Variants in CR1 observed in about 807,000 individuals in gnomAD.
CR1 encodes the protein complement receptor type 1.
Under a neutral mutation model 187.3 loss-of-function variants are expected in CR1, and 116 were observed. The ratio of observed to expected loss-of-function variants is 0.62; its 90% confidence interval spans 0.53 to 0.72. CR1 has a LOEUF of 0.72. Among genes scored for constraint, CR1 ranks in the 30% least tolerant of loss-of-function variants. The probability of loss-of-function intolerance (pLI) is 0.00; values close to 1 mark genes in which losing one functional copy is unlikely to be tolerated. For synonymous variants in CR1, 576 were observed against 747.1 expected, an observed-to-expected ratio of 0.77 and a Z score of 3.73; for missense variants, 1,731 against 2,110.7, an observed-to-expected ratio of 0.82 and a Z score of 3.52.
Position 207,573,905 on chromosome 1 carries a change from GA to G in CR1, c.4452-1689del, listed in dbSNP as rs1255557098. Among the ~76,000 whole-genome samples the G allele has an allele frequency of 2.6e-5, 4 of 152,294 alleles. No individual in the cohort carries two copies. In the East Asian group the frequency reaches 7.7e-4, roughly 29 times the overall value. ...CCAACACACTGAGAGGCTGAGGCAA[GA>G]GTATCACTTGAGCCCAGGAGCTCAA... is the stretch of plus-strand genomic sequence containing the variant. On this transcript the variant is annotated intron_variant, in intron 27 of 46. Coordinates refer to ENST00000367049, the MANE Select transcript of CR1 (RefSeq NM_000651.6).
intron 27 of CR1, among the ~76,000 whole-genome samples, chr1:207,573,908 T>C (rs1231931947): frequency 6.6e-6 from 1 of 151,866 alleles, no homozygotes; most frequent in Non-Finnish European, 1.5e-5. Flanking sequence ...GAGGCAAGAG[T>C]ATCACTTGAG....
chr1:207,582,908 C>A (rs1661001052), intron 32 of CR1, among the ~76,000 whole-genome samples: 1 of 152,166 alleles, frequency 6.6e-6, no homozygotes, highest in Non-Finnish European at 1.5e-5. Context: ...TGGGGGAAAT[C>A]AAAAGTTAAG....
chr1:207,499,267 G>A (rs4844598), intron 1 of CR1, among the ~76,000 whole-genome samples: 105,097 of 152,062 alleles, frequency 0.69, 37,670 homozygotes, highest in East Asian at 0.96. Context: ...ATAAAGAGGG[G>A]CATCATATAA....
intron 4 of CR1, among the ~76,000 whole-genome samples, chr1:207,513,358 A>C (rs1490713044): frequency 1.3e-5 from 2 of 152,208 alleles, no homozygotes; most frequent in Admixed American, 1.3e-4. Context: ...TTCAATGGCA[A>C]CAGTTCCCAT....
chr1:207,519,451 T>TA (rs1399923412), intron 4 of CR1, among the ~76,000 whole-genome samples: 1 of 152,162 alleles, frequency 6.6e-6, no homozygotes, highest in African/African-American at 2.4e-5. Flanking sequence ...CAGTAGCTTT[T>TA]AAGTTATATT....
At chr1:207,524,150 C>G (rs1571520513) in intron 5 of CR1, 141 bp downstream of exon 5, 1 of 1,550,196 alleles carries the variant, frequency 6.5e-7, no homozygotes. Flanking sequence ...ACATGAAATT[C>G]AGAAGGTGTG....
chr1:207,525,029 A>C (rs1660124222), intron 5 of CR1, among the ~76,000 whole-genome samples: 1 of 152,060 alleles, frequency 6.6e-6, no homozygotes, highest in African/African-American at 2.4e-5. Flanking sequence ...GGTAAAGAGG[A>C]AGCACGCATA....
Position 207,584,799 on chromosome 1 carries a change from T to C in CR1, c.5453T>C (p.Ile1818Thr), listed in dbSNP as rs1459694440. 1 of 1,613,778 alleles carries C rather than the reference T, an allele frequency of 6.2e-7. No homozygotes were observed. The highest frequency in any genetic ancestry group is 1.3e-5 in the African/African-American group (1 of 74,886). The change falls in exon 33 of 47, where the codon ATC (isoleucine) becomes ACC (threonine). Residue 1818 changes from isoleucine to threonine, a missense_variant. Coordinates refer to ENST00000367049, the MANE Select transcript of CR1 (RefSeq NM_000651.6). Reference protein sequence around the residue: ...MTFNLIGESTIRCTSDPHGNG... With the variant: ...MTFNLIGESTTRCTSDPHGNG... ...TTCAACCTCATTGGGGAGAGCACCA[T>C]CCGCTGCACAAGTGACCCTCATGGG... is the stretch of plus-strand genomic sequence containing the variant.
At chr1:207,556,293 C>CT (rs1300155937) in intron 19 of CR1, among the ~76,000 whole-genome samples, 1 of 86 alleles carries the variant, frequency 0.012, no homozygotes, top group African/African-American at 0.026. Context: ...CCTTTTCTCT[C>CT]TTTTTTTAAG....
chr1:207,566,945 T>G (rs1280979797), intron 24 of CR1, among the ~76,000 whole-genome samples: 3 of 150,400 alleles, frequency 2.0e-5, no homozygotes, highest in African/African-American at 7.5e-5. Context: ...ATATAGAGAT[T>G]CTTGCTGTCT....
Position 207,584,825 on chromosome 1 carries a change from A to G in CR1, c.5479A>G (p.Asn1827Asp), listed in dbSNP as rs2102349501. The G allele has an allele frequency of 3.1e-6, 5 of 1,613,862 alleles. No homozygotes were observed. The highest frequency in any genetic ancestry group is 2.2e-5 in the East Asian group (1 of 44,878). The change falls in exon 33 of 47, where the codon AAT becomes GAT. Residue 1827 changes from asparagine (N) to aspartate (D), a missense_variant. Transcript: ENST00000367049. ...TIRCTSDPHGNGVWSSPAPRC... is the reference protein window; with the variant it reads ...TIRCTSDPHGDGVWSSPAPRC... ...CCGCTGCACAAGTGACCCTCATGGGAATGGGGTTTGGAGCAGCCCTGCCCC... is the reference window on the plus strand; with the variant it reads ...CCGCTGCACAAGTGACCCTCATGGGGATGGGGTTTGGAGCAGCCCTGCCCC...
At chr1:207,526,545 T>G (rs529694095) in intron 5 of CR1, among the ~76,000 whole-genome samples, 1 of 151,558 alleles carries the variant, frequency 6.6e-6, no homozygotes, top group South Asian at 2.1e-4. Context: ...TACCTCTGTT[T>G]TAGTCACAGT....
intron 35 of CR1, chr1:207,605,783 T>C (rs1490627566): frequency 6.6e-6 from 1 of 152,042 alleles, no homozygotes; most frequent in East Asian, 1.9e-4. Flanking sequence ...TTTTAAGATT[T>C]TTTTTCTTGG....
chr1:207,627,010 C>A (rs1261497279), intron 45 of CR1, among the ~76,000 whole-genome samples: 1 of 151,930 alleles, frequency 6.6e-6, no homozygotes. Context: ...TGCACTCCAG[C>A]CTGGGCAACA....
intron 4 of CR1, among the ~76,000 whole-genome samples, chr1:207,515,124 C>A: frequency 9.7e-6 from 1 of 103,404 alleles, no homozygotes; most frequent in Admixed American, 1.1e-4. Context: ...TATATACATA[C>A]GTACGTATAT....
intron 40 of CR1, 68 bp from the exon 41 acceptor site, chr1:207,616,507 G>T (rs1662099166): frequency 6.6e-7 from 1 of 1,524,120 alleles, no homozygotes; most frequent in Non-Finnish European, 9.0e-7. Context: ...CACAGTCACA[G>T]GTCACTATTG....
rs566894174 is a variant in CR1, at chr1:207,525,498, C to A, written c.887-1255C>A. On this transcript the variant is annotated intron_variant, in intron 5 of 46. Coordinates refer to ENST00000367049, the MANE Select transcript of CR1 (RefSeq NM_000651.6). ...CAGCTGATATTGCTGGAGCCAAAGT[C>A]ATTGGCATCGTTACAATTGAAGCTG... Among the ~76,000 whole-genome samples, 671 of 151,990 alleles carry A rather than the reference C, an allele frequency of 4.4e-3. 7 individuals are homozygous for A. Among genetic ancestry groups the A allele is most frequent in the African/African-American group, 0.016 (647 of 41,300 alleles).
intron 46 of CR1, among the ~76,000 whole-genome samples, chr1:207,637,255 A>G (rs11118218): frequency 0.24 from 36,138 of 152,060 alleles, 6,614 homozygotes; most frequent in African/African-American, 0.5. Flanking sequence ...ATCAACAGCT[A>G]GACTCACTTG....
At chr1:207,577,675 T>C in intron 28 of CR1, 130 bp from the exon 29 acceptor site, 2 of 1,415,758 alleles carry the variant, frequency 1.4e-6, no homozygotes, top group South Asian at 2.6e-5. Context: ...GAGGTTGAGG[T>C]GGGAGGATTG....
Sources: allele counts gnomAD v4.1 joint callset (sites outside exome capture counted in the v4.1 genomes callset), GRCh38; gene constraint gnomAD v4.1.1; transcripts MANE v1.5; gene names NCBI Gene and HGNC (gene_info 2026-07-23, HGNC 2026-07-21).